The following NRAP variants were observed in gnomAD, a reference collection of about 807,000 sequenced individuals.
NRAP encodes the protein nebulin-related-anchoring protein.
A neutral mutation model predicts 225.9 loss-of-function variants in NRAP; 189 were observed. The ratio of observed to expected loss-of-function variants is 0.84; its 90% confidence interval spans 0.74 to 0.94. NRAP has a LOEUF of 0.94. Among genes scored for constraint, NRAP ranks in the 40% least tolerant of loss-of-function variants. The probability of loss-of-function intolerance (pLI) is 0.00; values close to 1 mark genes in which losing one functional copy is unlikely to be tolerated. For synonymous variants in NRAP, 769 were observed against 790.7 expected, an observed-to-expected ratio of 0.97 and a Z score of 0.46; for missense variants, 2,176 against 2,168.7, an observed-to-expected ratio of 1.00 and a Z score of -0.07.
At position 113,633,145 on chromosome 10, in the gene NRAP, G is replaced by A. The variant is rs1224278010; in HGVS notation, c.1571C>T (p.Thr524Ile). Reference sequence around the variant, plus strand: ...CAGCTGAGGAACATCCTGGGGCAATGTGTAATTCAACTTATTTTTCTCATA... The same window carrying A: ...CAGCTGAGGAACATCCTGGGGCAATATGTAATTCAACTTATTTTTCTCATA... The part of the protein sequence containing the change: ...ADYEKNKLNY[T>I]LPQDVPQLVK... The change falls in exon 16 of 42, where the codon ACA becomes ATA. Residue 524 changes from threonine to isoleucine, a missense_variant. Around this residue, in one of 3 missense-constraint regions of NRAP, gnomAD observed 1,708 missense variants for 1,695.5 expected, o/e 1.01. Coordinates refer to ENST00000359988, the MANE Select transcript of NRAP (RefSeq NM_198060.4). The A allele has an allele frequency of 4.3e-6, 7 of 1,609,532 alleles. No homozygotes were observed. The highest frequency in any genetic ancestry group is 6.0e-6 in the Non-Finnish European group (7 of 1,175,788).
intron 25 of NRAP, among the ~76,000 whole-genome samples, chr10:113,617,847 T>G (rs1228865643): frequency 1.3e-5 from 2 of 152,214 alleles, no homozygotes; most frequent in Admixed American, 6.5e-5. Context: ...ATTCTTTTTA[T>G]AGGCTTCAAA....
At chr10:113,597,035 AGC>A in intron 37 of NRAP, 49 bp downstream of exon 37, 1 of 1,205,370 alleles carries the variant, frequency 8.3e-7, no homozygotes, top group East Asian at 2.3e-5. Context: ...CGGACCACTG[AGC>A]AGCAGTGCTA....
chr10:113,632,979 C>A (rs868612366), intron 16 of NRAP, 105 bp downstream of exon 16: 392 of 718,432 alleles, frequency 5.5e-4, no homozygotes, highest in Middle Eastern at 1.9e-3. Context: ...CTCTGATGAG[C>A]CTTTCTCAGG....
chr10:113,649,512 C>G (rs1849806449), intron 9 of NRAP, among the ~76,000 whole-genome samples: 1 of 152,276 alleles, frequency 6.6e-6, no homozygotes, highest in Non-Finnish European at 1.5e-5. Flanking sequence ...TCATCTTAAT[C>G]TTTTTTTACT....
At chr10:113,599,965 G>A (rs528882190) in intron 35 of NRAP, among the ~76,000 whole-genome samples, 2 of 152,316 alleles carry the variant, frequency 1.3e-5, no homozygotes, top group South Asian at 2.1e-4. Context: ...TCAAGCTGCA[G>A]CTTTCAGTCC....
At chr10:113,635,602 A>G (rs939272993) in intron 14 of NRAP, among the ~76,000 whole-genome samples, 3 of 151,990 alleles carry the variant, frequency 2.0e-5, no homozygotes, top group Non-Finnish European at 4.4e-5. Flanking sequence ...TAATTTTTGT[A>G]TTTTTAGTAG....
chr10:113,606,289 C>CA lies in NRAP; in HGVS notation c.3703-8dup, dbSNP rs755463939. On this transcript the variant is annotated splice_region_variant and splice_polypyrimidine_tract_variant and intron_variant, in intron 32 of 41. Coordinates refer to ENST00000359988, the MANE Select transcript of NRAP (RefSeq NM_198060.4). ...CAGCTGCTTTATAGAGGCGCTAGGC[C>CA]AAAAAAATATAATAATAATAATGCA... 1.7e-5 allele frequency: 26 copies of CA among 1,531,510 alleles called. No homozygotes were observed. Among genetic ancestry groups the CA allele is most frequent in the African/African-American group, 1.5e-4 (11 of 72,980 alleles). The allele number at this position is 1,531,510 out of a possible 1,614,324, so 94.9% of individuals were successfully genotyped here.
chr10:113,623,767 C>T (rs1326093623), intron 22 of NRAP, 131 bp from the exon 23 acceptor site: 2 of 644,554 alleles, frequency 3.1e-6, no homozygotes, highest in Admixed American at 2.3e-5. Flanking sequence ...CTGAGAGCCA[C>T]AGAAATCATG....
intron 10 of NRAP, 79 bp from the exon 11 acceptor site, chr10:113,646,020 G>A: frequency 2.8e-6 from 2 of 707,768 alleles, no homozygotes; most frequent in African/African-American, 1.8e-5. Flanking sequence ...AGTTATCCTG[G>A]GCTTAATGTC....
In NRAP at chr10:113,592,269, C is replaced by T. The variant is rs1219343679; in HGVS notation, c.4569G>A (p.Arg1523=). ...KVYRNSWEQT[R]AGSYDFRLDA... ...CCAGCCTGAAGTCATAACTGCCAGC[C>T]CGGGTCTGCTCCCAGGAGTTTCTGT... is the stretch of plus-strand genomic sequence containing the variant. The change falls in exon 39 of 42, where the codon CGG becomes CGA. Residue 1523 remains arginine (R), a synonymous_variant. Coordinates refer to ENST00000359988, the MANE Select transcript of NRAP (RefSeq NM_198060.4). The T allele has an allele frequency of 1.9e-6, 3 of 1,612,546 alleles. No individual in the cohort carries two copies. The African/African-American group carries it at 4.0e-5, about 22-fold the overall frequency.
chr10:113,637,990 T>C (rs1272868001), intron 14 of NRAP, among the ~76,000 whole-genome samples: 1 of 152,208 alleles, frequency 6.6e-6, no homozygotes, highest in Non-Finnish European at 1.5e-5. Flanking sequence ...TTGCATGTTC[T>C]GAGTTTTGGA....
At position 113,647,025 on chromosome 10, in the gene NRAP, A is replaced by G; in HGVS notation, c.891T>C (p.Gly297=). 6.2e-7 allele frequency: 1 copy of G among 1,611,994 alleles called. No individual in the cohort carries two copies. The highest frequency in any genetic ancestry group is 8.5e-7 in the Non-Finnish European group (1 of 1,178,110). ...TGTGCTCCTCATACTCCTCCGGGTA[A>G]CCCTGCCGGGTGCATCAAAAACTTC... ...TRECADQYGQ[G]YPEEYEEHRG... The change falls in exon 10 of 42, where the codon GGT becomes GGC. Residue 297 remains glycine (G), a splice_region_variant and synonymous_variant. Transcript: ENST00000359988.
In NRAP at chr10:113,624,460, C is replaced by A. The variant is rs192852787; in HGVS notation, c.2349+366G>T. 1.5e-3 allele frequency among the ~76,000 whole-genome samples: 228 copies of A among 152,296 alleles called. 2 individuals carry two copies. Among genetic ancestry groups the A allele is most frequent in the Non-Finnish European group, 1.3e-4 (9 of 68,022 alleles). ...GAAACAAAGAATTTGCCCAAGGTCA[C>A]ACACCTAGTAAGTGGCAACCGAGGA... On this transcript the variant is annotated intron_variant, in intron 22 of 41. Coordinates refer to ENST00000359988, the MANE Select transcript of NRAP (RefSeq NM_198060.4).
At chr10:113,606,976 A>G (rs1174631087) in intron 32 of NRAP, among the ~76,000 whole-genome samples, 1 of 151,748 alleles carries the variant, frequency 6.6e-6, no homozygotes, top group Non-Finnish European at 1.5e-5. Flanking sequence ...GCTGAGGTGG[A>G]TGGATCATCT....
chr10:113,615,785 T>C lies in NRAP; in HGVS notation c.3005A>G (p.Lys1002Arg). The C allele has an allele frequency of 6.2e-7, 1 of 1,608,478 alleles. No homozygotes were observed. Among genetic ancestry groups the C allele is most frequent in the South Asian group, 1.1e-5 (1 of 90,936 alleles). The part of the protein sequence containing the change: ...RLYREQGENI[K>R]HHYTPTADLP... ...GTCAGCAGTCGGTGTGTAATGATGC[T>C]TTATGTTTTCTCCTTGTTCCCTGTA... Residue 1002 changes from lysine to arginine, a missense_variant, in exon 27 of 42, where the codon AAG becomes AGG. Transcript: ENST00000359988.
rs200125797 is a variant in NRAP at position 113,645,942 on chromosome 10, C to A, written c.994-1G>T. ...TATTGAAGTCCTGCCTGTATTTTATCTGAAAAAAAAAACACAAAACGGGGC... is the reference window on the plus strand; with the variant it reads ...TATTGAAGTCCTGCCTGTATTTTATATGAAAAAAAAAACACAAAACGGGGC... On this transcript the variant is annotated splice_acceptor_variant, in intron 10 of 41. Coordinates refer to ENST00000359988, the MANE Select transcript of NRAP (RefSeq NM_198060.4). LOFTEE classifies it high-confidence loss of function. The A allele has an allele frequency of 1.4e-4, 207 of 1,454,502 alleles. No homozygotes were observed. The highest frequency in any genetic ancestry group is 5.2e-4 in the Middle Eastern group (3 of 5,738). 90.1% of individuals were successfully genotyped at this position (1,454,502 alleles called of 1,614,324 possible).
chr10:113,616,110 A>C (rs1390218260), intron 26 of NRAP, among the ~76,000 whole-genome samples: 2 of 152,172 alleles, frequency 1.3e-5, no homozygotes, highest in Non-Finnish European at 2.9e-5. Flanking sequence ...TTTACTTAAC[A>C]CCTAGTAATA....
At chr10:113,639,083 G>A (rs1289660671) in intron 14 of NRAP, among the ~76,000 whole-genome samples, 1 of 96,304 alleles carries the variant, frequency 1.0e-5, no homozygotes, top group Non-Finnish European at 2.1e-5. Flanking sequence ...CCCAGGTAAT[G>A]TATATAGCAA....
rs376694107 is a variant in NRAP, at chr10:113,634,157, G to C, written c.1482C>G (p.Thr494=). 2 of 1,613,882 alleles carry C rather than the reference G, an allele frequency of 1.2e-6. No homozygotes were observed. Among genetic ancestry groups the C allele is most frequent in the Admixed American group, 3.3e-5 (2 of 60,012 alleles). Reference sequence around the variant, plus strand: ...TGATTTTGGCTTGAACAATCTGTGGGGTGTCAGTCACCGAGCTGTACTTCA... The same window carrying C: ...TGATTTTGGCTTGAACAATCTGTGGCGTGTCAGTCACCGAGCTGTACTTCA... The part of the protein sequence containing the change: ...DKLKYSSVTD[T]PQIVQAKINA... The change falls in exon 15 of 42, where the codon ACC becomes ACG. Residue 494 remains threonine (T), a synonymous_variant. Coordinates refer to ENST00000359988, the MANE Select transcript of NRAP (RefSeq NM_198060.4).
Sources: gnomAD v4.1 joint callset for allele counts (sites outside exome capture counted in the v4.1 genomes callset) on GRCh38, gnomAD v4.1.1 for gene constraint, gnomAD v4.1.1 regional missense constraint, MANE v1.5 for transcripts, NCBI Gene and HGNC (gene_info 2026-07-23, HGNC 2026-07-21) for gene names.